BLMH: variants seen among roughly 807,000 people sequenced by gnomAD.
BLMH encodes bleomycin hydrolase.
Under a neutral mutation model 61.6 loss-of-function variants are expected in BLMH, and 32 were observed. The observed-to-expected ratio is 0.52, with a 90% CI of 0.39 to 0.70. BLMH has a LOEUF of 0.70. BLMH is among the 30% of genes least tolerant of loss of function. The probability of loss-of-function intolerance (pLI) is 0.00; values close to 1 mark genes in which losing one functional copy is unlikely to be tolerated. For synonymous variants in BLMH, 183 were observed against 193.8 expected, an observed-to-expected ratio of 0.94 and a Z score of 0.46; for missense variants, 460 against 555.5, an observed-to-expected ratio of 0.83 and a Z score of 1.73.
At chr17:30,271,589 G>A (rs1015467067) in intron 9 of BLMH, 18 of 438,646 alleles carry the variant, frequency 4.1e-5, no homozygotes, top group African/African-American at 3.3e-4. Context: ...TGTGTCACAA[G>A]AGTATGCAGG....
intron 11 of BLMH, among the ~76,000 whole-genome samples, chr17:30,265,475 G>A (rs1908076305): frequency 1.3e-5 from 2 of 152,068 alleles, no homozygotes; most frequent in Non-Finnish European, 2.9e-5. Context: ...GAACATAGCT[G>A]GAAAATCACG....
intron 11 of BLMH, among the ~76,000 whole-genome samples, chr17:30,259,587 G>A (rs893230988): frequency 2.6e-5 from 4 of 151,888 alleles, no homozygotes; most frequent in African/African-American, 7.3e-5. Context: ...TGCTTTTCTC[G>A]GTCTATTTAT....
chr17:30,283,888 A>G (rs1353776659), intron 6 of BLMH, among the ~76,000 whole-genome samples: 1 of 152,182 alleles, frequency 6.6e-6, no homozygotes, highest in East Asian at 1.9e-4. Flanking sequence ...CAAGACAGTC[A>G]TTCCAAGCAA....
chr17:30,274,132 G>A lies in BLMH; in HGVS notation c.711C>T (p.Asp237=), dbSNP rs1204231620. The stretch of plus-strand genomic sequence containing the variant: ...CAATTTTCTGATAATTTTTATCTTT[G>A]TCTCGATATTCCCAGGTGAATGTCT... ...PPETFTWEYR[D]KDKNYQKIGP... The change falls in exon 7 of 12, where the codon GAC becomes GAT. Residue 237 remains aspartate (D), a synonymous_variant. Coordinates refer to ENST00000261714, the MANE Select transcript of BLMH (RefSeq NM_000386.4). The A allele has an allele frequency of 1.2e-6, 2 of 1,614,030 alleles. No homozygotes were observed. The highest frequency in any genetic ancestry group is 2.2e-5 in the South Asian group (2 of 91,072).
chr17:30,286,222 T>C (rs983960498), intron 5 of BLMH, among the ~76,000 whole-genome samples: 7 of 152,314 alleles, frequency 4.6e-5, no homozygotes, highest in African/African-American at 1.7e-4. Context: ...CTCCCAGTTC[T>C]CAAAAACCAT....
At chr17:30,255,052 C>T (rs770539434) in intron 11 of BLMH, among the ~76,000 whole-genome samples, 1 of 152,058 alleles carries the variant, frequency 6.6e-6, no homozygotes, top group African/African-American at 2.4e-5. Context: ...TGTTGGAATC[C>T]GGATTTTTTC....
chr17:30,263,253 C>G (rs1231404102), intron 11 of BLMH, among the ~76,000 whole-genome samples: 1 of 152,184 alleles, frequency 6.6e-6, no homozygotes, highest in Non-Finnish European at 1.5e-5. Context: ...CTGCAGGTCA[C>G]TTTGGCTTAG....
chr17:30,277,975 C>T (rs747103267), intron 6 of BLMH, among the ~76,000 whole-genome samples: 7 of 151,288 alleles, frequency 4.6e-5, no homozygotes, highest in Non-Finnish European at 1.0e-4. Flanking sequence ...AGACATGTTG[C>T]ATTGTTTTAT....
intron 6 of BLMH, among the ~76,000 whole-genome samples, chr17:30,276,198 T>C (rs1254108958): frequency 1.3e-5 from 2 of 152,224 alleles, no homozygotes; most frequent in Non-Finnish European, 2.9e-5. Context: ...AGGGAAGATG[T>C]ACTGACCGTC....
chr17:30,274,458 C>T (rs536930239), intron 6 of BLMH, among the ~76,000 whole-genome samples: 1 of 152,282 alleles, frequency 6.6e-6, no homozygotes, highest in South Asian at 2.1e-4. Flanking sequence ...AGTACTTGTC[C>T]TGAAAATTTA....
At chr17:30,270,523 T>C (rs1908241038) in intron 10 of BLMH, among the ~76,000 whole-genome samples, 1 of 151,234 alleles carries the variant, frequency 6.6e-6, no homozygotes, top group South Asian at 2.1e-4. Flanking sequence ...AAAAAAATGA[T>C]TTTCTAGAAC....
intron 11 of BLMH, among the ~76,000 whole-genome samples, chr17:30,253,068 A>G (rs1301537295): frequency 6.6e-6 from 1 of 152,222 alleles, no homozygotes; most frequent in Non-Finnish European, 1.5e-5. Flanking sequence ...CAGACTAGGG[A>G]ACACCACACT....
chr17:30,250,821 T>C (rs1907649297), intron 11 of BLMH, among the ~76,000 whole-genome samples: 2 of 152,002 alleles, frequency 1.3e-5, no homozygotes, highest in Non-Finnish European at 2.9e-5. Flanking sequence ...TACAAAAACA[T>C]GGAACCAACC....
intron 9 of BLMH, among the ~76,000 whole-genome samples, chr17:30,271,789 T>G (rs1310688095): frequency 6.6e-6 from 1 of 152,168 alleles, no homozygotes; most frequent in East Asian, 1.9e-4. Context: ...TGATTAAAAT[T>G]TAAATAAATA....
intron 11 of BLMH, among the ~76,000 whole-genome samples, chr17:30,265,293 C>T (rs568997640): frequency 6.6e-6 from 1 of 152,298 alleles, no homozygotes; most frequent in East Asian, 1.9e-4. Context: ...ACATACAAGC[C>T]TGTGCTGCCC....
intron 11 of BLMH, among the ~76,000 whole-genome samples, chr17:30,260,419 A>G (rs537940226): frequency 6.6e-6 from 1 of 152,220 alleles, no homozygotes; most frequent in Non-Finnish European, 1.5e-5. Flanking sequence ...GCTCTGTCAC[A>G]TAGTCTGTCC....
chr17:30,288,446 G>A (rs918744223), intron 3 of BLMH, among the ~76,000 whole-genome samples: 6 of 152,132 alleles, frequency 3.9e-5, no homozygotes, highest in African/African-American at 1.4e-4. Flanking sequence ...TCAACCTCCT[G>A]AGCTCAAGCA....
chr17:30,278,086 T>C (rs903869440), intron 6 of BLMH, among the ~76,000 whole-genome samples: 4 of 152,098 alleles, frequency 2.6e-5, no homozygotes, highest in African/African-American at 7.2e-5. Context: ...CAAATAACAA[T>C]AGTTAATTAA....
chr17:30,291,123 C>G, intron 2 of BLMH, 188 bp downstream of exon 2: 1 of 667,086 alleles, frequency 1.5e-6, no homozygotes. Flanking sequence ...CATGTACTAA[C>G]AAGCCACAGA....
Sources: gnomAD v4.1 joint callset for allele counts (sites outside exome capture counted in the v4.1 genomes callset) on GRCh38, gnomAD v4.1.1 for gene constraint, MANE v1.5 for transcripts, NCBI Gene and HGNC (gene_info 2026-07-23, HGNC 2026-07-21) for gene names.